The following RIMS2 variants were observed in gnomAD, a reference collection of about 807,000 sequenced individuals.
The protein encoded by RIMS2 is regulating synaptic membrane exocytosis 2, also known as regulating synaptic membrane exocytosis protein 2.
RIMS2 carries 59 observed loss-of-function variants against 174.4 expected under a neutral mutation model. The observed-to-expected ratio is 0.34, with a 90% CI of 0.27 to 0.42. RIMS2 has a LOEUF of 0.42. Among genes scored for constraint, RIMS2 ranks in the 10% least tolerant of loss-of-function variants. The pLI is 1.00. For missense variants in RIMS2, 1,620 were observed against 1,666.3 expected (o/e 0.97, Z 0.48); for synonymous variants, 606 against 572.5 (o/e 1.06, Z -0.84).
chr8:103,917,683 C>G (rs991059216), intron 8 of RIMS2, among the ~76,000 whole-genome samples: 5 of 152,002 alleles, frequency 3.3e-5, no homozygotes, highest in African/African-American at 1.2e-4. Flanking sequence ...TTGAGATTCC[C>G]CATAAGAAAC....
intron 3 of RIMS2, among the ~76,000 whole-genome samples, chr8:103,791,084 A>C (rs1407858415): frequency 6.6e-6 from 1 of 152,144 alleles, no homozygotes; most frequent in East Asian, 1.9e-4. Context: ...CACAAAAGAT[A>C]CTCCTCGAGA....
intron 19 of RIMS2, among the ~76,000 whole-genome samples, chr8:104,029,246 T>G (rs2096331290): frequency 6.6e-6 from 1 of 152,160 alleles, no homozygotes; most frequent in Admixed American, 6.5e-5. Flanking sequence ...GCATGCTGTT[T>G]TATTAGCAAG....
chr8:103,658,088 G>T (rs62527089), intron 1 of RIMS2, among the ~76,000 whole-genome samples: 5 of 152,194 alleles, frequency 3.3e-5, no homozygotes, highest in African/African-American at 4.8e-5. Flanking sequence ...CAAGACTGAA[G>T]GTTAGGTTAT....
At chr8:103,984,479 A>T (rs1410459936) in intron 16 of RIMS2, among the ~76,000 whole-genome samples, 1 of 152,220 alleles carries the variant, frequency 6.6e-6, no homozygotes, top group Non-Finnish European at 1.5e-5. Flanking sequence ...ATCATCAGAG[A>T]AATGCAAATC....
intron 6 of RIMS2, among the ~76,000 whole-genome samples, chr8:103,914,442 G>A (rs1321204254): frequency 2.0e-5 from 3 of 152,096 alleles, no homozygotes; most frequent in East Asian, 3.9e-4. Context: ...CAAACATTTA[G>A]TAAAGTGTCT....
chr8:104,235,210 G>A (rs1224136119), intron 19 of RIMS2, among the ~76,000 whole-genome samples: 1 of 152,108 alleles, frequency 6.6e-6, no homozygotes, highest in East Asian at 1.9e-4. Context: ...AACCTGAGAT[G>A]AGGTTTCAAG....
chr8:103,915,407 A>G, intron 6 of RIMS2, 88 bp from the exon 10 acceptor site: 2 of 643,292 alleles, frequency 3.1e-6, no homozygotes, highest in Non-Finnish European at 2.6e-6. Context: ...TAGGTGTTGC[A>G]AATTGTTCTA....
At chr8:103,931,478 A>G (rs1312198242) in intron 12 of RIMS2, 85 bp downstream of exon 14, 2 of 921,488 alleles carry the variant, frequency 2.2e-6, no homozygotes, top group Non-Finnish European at 3.2e-6. Context: ...TGTATCATTT[A>G]TTGGTATCAT....
intron 19 of RIMS2, among the ~76,000 whole-genome samples, chr8:104,125,860 G>T (rs2098424418): frequency 6.6e-6 from 1 of 152,028 alleles, no homozygotes; most frequent in African/African-American, 2.4e-5. Context: ...ATATTTGCGG[G>T]GAAAGTTTTC....
chr8:103,752,701 A>T (rs1412181337), intron 2 of RIMS2, among the ~76,000 whole-genome samples: 1 of 152,174 alleles, frequency 6.6e-6, no homozygotes, highest in African/African-American at 2.4e-5. Flanking sequence ...AGCAACTGTG[A>T]ATGGGAGTTC....
chr8:103,917,745 C>T (rs372425460), intron 8 of RIMS2, among the ~76,000 whole-genome samples: 143 of 152,246 alleles, frequency 9.4e-4, no homozygotes, highest in African/African-American at 3.3e-3. Context: ...TTTCCGGTGG[C>T]TCATGCCTGT....
chr8:103,595,091 T>C (rs2133463344), intron 1 of RIMS2, among the ~76,000 whole-genome samples: 1 of 151,974 alleles, frequency 6.6e-6, no homozygotes, highest in South Asian at 2.1e-4. Context: ...TTTAGTGTTA[T>C]AATTGGTAAA....
intron 3 of RIMS2, among the ~76,000 whole-genome samples, chr8:103,856,292 G>C (rs2099027332): frequency 6.6e-6 from 1 of 152,104 alleles, no homozygotes; most frequent in Non-Finnish European, 1.5e-5. Context: ...TTGCGCCTGT[G>C]GGTGTTGTTA....
intron 1 of RIMS2, among the ~76,000 whole-genome samples, chr8:103,624,561 G>A (rs779182807): frequency 2.6e-4 from 39 of 152,022 alleles, no homozygotes; most frequent in Non-Finnish European, 4.4e-4. Flanking sequence ...AATTTCTTTT[G>A]CTTACTGTCA....
chr8:103,875,278 C>T (rs2099130815), intron 3 of RIMS2, among the ~76,000 whole-genome samples: 1 of 151,754 alleles, frequency 6.6e-6, no homozygotes, highest in Non-Finnish European at 1.5e-5. Flanking sequence ...TCTCACTCTC[C>T]CCAATTCTGA....
chr8:104,094,705 G>A (rs1261633494), intron 19 of RIMS2: 3 of 692,594 alleles, frequency 4.3e-6, no homozygotes, highest in African/African-American at 1.8e-5. Context: ...GATTTGCAAA[G>A]GAGATTCTCA....
intron 19 of RIMS2, among the ~76,000 whole-genome samples, chr8:104,105,797 G>A (rs906491824): frequency 6.6e-6 from 1 of 152,100 alleles, no homozygotes; most frequent in Middle Eastern, 3.4e-3. Context: ...CCAGCACTTT[G>A]GGAGGCCGAG....
rs150440365 is a variant in RIMS2, at chr8:103,580,477, A to G, written c.176+79415A>G. ...TGTGTGTGTGTGTGTGTGTAAAATG[A>G]TAAAGGGGATCAATTCAACAAGATG... On this transcript the variant is annotated intron_variant, in intron 1 of 23. Coordinates refer to ENST00000504942, the Ensembl canonical transcript of RIMS2. 4.6e-3 allele frequency among the ~76,000 whole-genome samples: 693 copies of G among 152,042 alleles called. 3 individuals are homozygous for G. The highest frequency in any genetic ancestry group is 0.01 in the Middle Eastern group (3 of 294).
At chr8:103,703,928 G>C (rs1168853653) in intron 2 of RIMS2, among the ~76,000 whole-genome samples, 1 of 151,928 alleles carries the variant, frequency 6.6e-6, no homozygotes, top group Non-Finnish European at 1.5e-5. Flanking sequence ...TGTTATCTGT[G>C]TAAAAGTCTA....
Sources: gnomAD v4.1 joint callset for allele counts (sites outside exome capture counted in the v4.1 genomes callset) on GRCh38, gnomAD v4.1.1 for gene constraint, MANE v1.5 for transcripts, NCBI Gene and HGNC (gene_info 2026-07-23, HGNC 2026-07-21) for gene names.